ATP10D: variants seen among roughly 807,000 people sequenced by gnomAD.
The protein encoded by ATP10D is ATPase phospholipid transporting 10D (putative), also known as phospholipid-transporting ATPase VD.
A neutral mutation model predicts 144.8 loss-of-function variants in ATP10D; 89 were observed. That is an observed-to-expected ratio of 0.61 (90% CI 0.52 to 0.73). The LOEUF is 0.73. Among genes scored for constraint, ATP10D ranks in the 30% least tolerant of loss-of-function variants. ATP10D has a pLI of 0.00. For synonymous variants in ATP10D, 571 were observed against 615.1 expected, an observed-to-expected ratio of 0.93 and a Z score of 1.06; for missense variants, 1,603 against 1,714.8, an observed-to-expected ratio of 0.93 and a Z score of 1.15.
intron 9 of ATP10D, among the ~76,000 whole-genome samples, chr4:47,542,734 C>T (rs1304426204): frequency 2.6e-5 from 4 of 152,240 alleles, no homozygotes; most frequent in Admixed American, 6.5e-5. Flanking sequence ...CCACCTCGGC[C>T]TCCCAAAGTG....
chr4:47,546,529 A>T, intron 9 of ATP10D, 95 bp from the exon 10 acceptor site: 1 of 1,105,956 alleles, frequency 9.0e-7, no homozygotes, highest in Non-Finnish European at 1.4e-6. Context: ...AGGGGAGGAG[A>T]TGGTGTGAAA....
At chr4:47,547,211 G>A (rs761308965) in intron 10 of ATP10D, 5 of 260,422 alleles carry the variant, frequency 1.9e-5, no homozygotes, top group Admixed American at 9.7e-5. Context: ...GAGTTATCTC[G>A]TAGTCAGATA....
chr4:47,535,148 C>T (rs913935934), intron 5 of ATP10D, among the ~76,000 whole-genome samples: 2 of 151,916 alleles, frequency 1.3e-5, no homozygotes, highest in African/African-American at 2.4e-5. Flanking sequence ...GAATAATAGA[C>T]ACCAGGGCCT....
At chr4:47,539,291 T>G (rs1718012416) in intron 9 of ATP10D, among the ~76,000 whole-genome samples, 1 of 152,198 alleles carries the variant, frequency 6.6e-6, no homozygotes, top group Non-Finnish European at 1.5e-5. Flanking sequence ...TGGTAACCTG[T>G]GAGTGTAAGG....
chr4:47,534,990 G>A (rs1016810687), intron 5 of ATP10D, among the ~76,000 whole-genome samples: 6 of 152,046 alleles, frequency 3.9e-5, no homozygotes, highest in African/African-American at 1.4e-4. Flanking sequence ...GCCATAAAAA[G>A]GAATGAGATC....
intron 5 of ATP10D, among the ~76,000 whole-genome samples, chr4:47,528,528 T>C (rs182120855): frequency 0.16 from 23,695 of 145,576 alleles, 2,177 homozygotes; most frequent in South Asian, 0.24. Flanking sequence ...TATATATATA[T>C]ACACACCACA....
chr4:47,525,495 A>T (rs1298868342), intron 4 of ATP10D, 62 bp from the exon 5 acceptor site: 6 of 1,179,760 alleles, frequency 5.1e-6, no homozygotes, highest in Non-Finnish European at 1.3e-6. Context: ...AAGTGATAAA[A>T]CACTTCAATA....
At chr4:47,485,687 A>T (rs4695236) in intron 1 of ATP10D, among the ~76,000 whole-genome samples, 168 bp downstream of exon 1, 144,001 of 149,884 alleles carry the variant, frequency 0.96, 69,073 homozygotes, top group East Asian at 1. Context: ...TTACTGAACT[A>T]AAAAAAAAAA....
At chr4:47,544,593 A>G (rs1359214666) in intron 9 of ATP10D, among the ~76,000 whole-genome samples, 1 of 152,218 alleles carries the variant, frequency 6.6e-6, no homozygotes, top group Non-Finnish European at 1.5e-5. Flanking sequence ...CAAATCGTTC[A>G]TTCTGAAATG....
In ATP10D at chr4:47,512,793, A is replaced by G. The variant is rs747510569; in HGVS notation, c.253A>G (p.Asn85Asp). The change falls in exon 2 of 23, where the codon AAT (asparagine) becomes GAT (aspartate). Residue 85 changes from asparagine (N) to aspartate (D), a missense_variant. By Grantham distance (23) the Asn-to-Asp change is conservative (BLOSUM62 1). Transcript: ENST00000273859. ...RIRTTKYTLL[N>D]FVPRNLFEQF... ...ACGAACAACAAAGTACACACTTCTG[A>G]ATTTTGTGCCAAGAAATTTATTTGA... is the stretch of plus-strand genomic sequence containing the variant. 4 of 1,603,240 alleles carry G rather than the reference A, an allele frequency of 2.5e-6. No homozygotes were observed. Among genetic ancestry groups the G allele is most frequent in the Non-Finnish European group, 3.4e-6 (4 of 1,171,244 alleles).
chr4:47,532,808 A>G (rs1484099889), intron 5 of ATP10D, among the ~76,000 whole-genome samples: 1 of 152,174 alleles, frequency 6.6e-6, no homozygotes, highest in Non-Finnish European at 1.5e-5. Flanking sequence ...CTACTCTTAC[A>G]TGTTTCTACC....
At chr4:47,507,326 G>A (rs1380696756) in intron 1 of ATP10D, among the ~76,000 whole-genome samples, 1 of 152,102 alleles carries the variant, frequency 6.6e-6, no homozygotes, top group Non-Finnish European at 1.5e-5. Flanking sequence ...AGTAAAGCTG[G>A]CAAATTGGGG....
intron 16 of ATP10D, among the ~76,000 whole-genome samples, chr4:47,571,404 T>A (rs1577697102): frequency 6.6e-6 from 1 of 151,568 alleles, no homozygotes; most frequent in South Asian, 2.1e-4. Flanking sequence ...ATATGTCCAT[T>A]TCTGAACCAA....
At chr4:47,494,976 G>A (rs1715277924) in intron 1 of ATP10D, among the ~76,000 whole-genome samples, 2 of 152,106 alleles carry the variant, frequency 1.3e-5, no homozygotes. Flanking sequence ...AATTTAGCCA[G>A]ACATTTATAA....
chr4:47,507,052 AC>A (rs1716053852), intron 1 of ATP10D, among the ~76,000 whole-genome samples: 1 of 152,230 alleles, frequency 6.6e-6, no homozygotes, highest in Non-Finnish European at 1.5e-5. Context: ...GAGCAGACTT[AC>A]TAAAGCAGAG....
intron 14 of ATP10D, among the ~76,000 whole-genome samples, chr4:47,562,579 A>G (rs1719371414): frequency 6.6e-6 from 1 of 152,210 alleles, no homozygotes; most frequent in African/African-American, 2.4e-5. Context: ...GGGAACGCTT[A>G]TATACTGCTG....
At chr4:47,564,147 C>T (rs1185424033) in intron 15 of ATP10D, among the ~76,000 whole-genome samples, 4 of 152,274 alleles carry the variant, frequency 2.6e-5, no homozygotes, top group African/African-American at 9.6e-5. Context: ...CAGCTTTGGC[C>T]TCCCAAAGTG....
In ATP10D at chr4:47,576,754, T is replaced by A. The variant is rs1334278953; in HGVS notation, c.3367-19T>A. ...CATTACTGATTCTAAGATCTGAATG[T>A]CCTTCTTTGTGTCTCTAGGCCTATG... On this transcript the variant is annotated intron_variant, in intron 18 of 22. Coordinates refer to ENST00000273859, the MANE Select transcript of ATP10D (RefSeq NM_020453.4). 1.2e-6 allele frequency: 2 copies of A among 1,605,042 alleles called. No individual in the cohort carries two copies. The highest frequency in any genetic ancestry group is 1.1e-5 in the South Asian group (1 of 90,840).
intron 1 of ATP10D, among the ~76,000 whole-genome samples, chr4:47,490,691 G>T: frequency 6.6e-6 from 1 of 152,346 alleles, no homozygotes; most frequent in African/African-American, 2.4e-5. Context: ...GTGGTATAGG[G>T]CAAGTGAAGA....
Sources: allele counts gnomAD v4.1 joint callset (sites outside exome capture counted in the v4.1 genomes callset), GRCh38; gene constraint gnomAD v4.1.1; transcripts MANE v1.5; gene names NCBI Gene and HGNC (gene_info 2026-07-23, HGNC 2026-07-21).